The following CCNB1 variants were observed in gnomAD, a reference collection of about 807,000 sequenced individuals.
CCNB1 encodes the protein cyclin B1.
A neutral mutation model predicts 44.4 loss-of-function variants in CCNB1; 26 were observed. The ratio of observed to expected loss-of-function variants is 0.59; its 90% CI spans 0.43 to 0.81. CCNB1 has a LOEUF of 0.81. CCNB1 is among the 40% of genes least tolerant of loss of function. CCNB1 has a pLI of 0.00. For missense variants in CCNB1, 477 were observed against 520.9 expected (o/e 0.92, Z 0.82); for synonymous variants, 195 against 181.4 (o/e 1.08, Z -0.60).
At position 69,174,891 on chromosome 5, in the gene CCNB1, C is replaced by T. The variant is rs754919513; in HGVS notation, c.720C>T (p.Pro240=). The T allele has an allele frequency of 4.9e-5, 79 of 1,613,582 alleles. No homozygotes were observed. The highest frequency in any genetic ancestry group is 6.2e-5 in the Non-Finnish European group (73 of 1,179,750). The change falls in exon 6 of 9, where the codon CCC becomes CCT. Residue 240 remains proline (P), a synonymous_variant. Transcript: ENST00000256442. The part of the protein sequence containing the change: ...IDRFMQNNCV[P]KKMLQLVGVT... ...TCCCATTGCAGAATAATTGTGTGCC[C>T]AAGAAGATGCTGCAGCTGGTTGGTG...
intron 7 of CCNB1, chr5:69,176,978 A>AT: frequency 3.5e-6 from 1 of 283,286 alleles, no homozygotes; most frequent in Non-Finnish European, 6.6e-6. Context: ...TCAAAAAAAA[A>AT]AAAAATTACA....
chr5:69,176,995 G>T (rs890191921), intron 7 of CCNB1: 3 of 322,006 alleles, frequency 9.3e-6, no homozygotes, highest in Non-Finnish European at 1.7e-5. Context: ...TACAAAGTTG[G>T]CCTCAAGGAA....
rs371830251 is a variant in CCNB1 at position 69,171,415 on chromosome 5, A to T, written c.509A>T (p.Tyr170Phe). The T allele has an allele frequency of 6.2e-7, 1 of 1,610,226 alleles. No homozygotes were observed. The highest frequency in any genetic ancestry group is 1.3e-5 in the African/African-American group (1 of 74,746). ...GCTGATCCAAACCTTTGTAGTGAAT[A>T]TGTGAAAGATATTTATGCTTATCTG... The part of the protein sequence containing the change: ...DGADPNLCSE[Y>F]VKDIYAYLRQ... The change falls in exon 4 of 9, where the codon TAT (tyrosine) becomes TTT (phenylalanine). Residue 170 changes from tyrosine (Y) to phenylalanine (F), a missense_variant. Physicochemically the swap from Tyr to Phe is conservative, Grantham distance 22. Transcript: ENST00000256442.
Position 69,177,522 on chromosome 5 carries a change from A to G in CCNB1, c.1195-2A>G. On this transcript the variant is annotated splice_acceptor_variant, in intron 8 of 8. Transcript: ENST00000256442. LOFTEE classifies it high-confidence loss of function. Reference sequence around the variant, plus strand: ...TTTAATTGCTATCTTTTTGTCTTCCAGACTGTCAAGAACAAGTATGCCACA... The same window carrying G: ...TTTAATTGCTATCTTTTTGTCTTCCGGACTGTCAAGAACAAGTATGCCACA... 1 of 1,601,544 alleles carries G rather than the reference A, an allele frequency of 6.2e-7. No homozygotes were observed. The highest frequency in any genetic ancestry group is 8.5e-7 in the Non-Finnish European group (1 of 1,170,180).
Position 69,171,438 on chromosome 5 carries a change from C to A in CCNB1, c.532C>A (p.Leu178Met). The A allele has an allele frequency of 6.2e-7, 1 of 1,600,092 alleles. No individual in the cohort carries two copies. Among genetic ancestry groups the A allele is most frequent in the Non-Finnish European group, 8.5e-7 (1 of 1,175,078 alleles). ...SEYVKDIYAY[L>M]RQLEEEQAVR... The stretch of plus-strand genomic sequence containing the variant: ...ATATGTGAAAGATATTTATGCTTAT[C>A]TGAGACAACTTGAGGTAAGTATTAT... Residue 178 changes from leucine (L) to methionine (M), a missense_variant, in exon 4 of 9, where the codon CTG becomes ATG. Coordinates refer to ENST00000256442, the MANE Select transcript of CCNB1 (RefSeq NM_031966.4).
chr5:69,175,137 T>A lies in CCNB1; in HGVS notation c.942+24T>A, dbSNP rs150507468. ...AGGTACAGGTTTCTTGAGAAACCTC[T>A]CCGTATGGGTACATTAGGGGGAACA... is the stretch of plus-strand genomic sequence containing the variant. On this transcript the variant is annotated intron_variant, in intron 6 of 8. Transcript: ENST00000256442. The A allele has an allele frequency of 5.3e-6, 8 of 1,512,828 alleles. No homozygotes were observed. The Admixed American group carries it at 1.0e-4, about 19-fold the overall frequency. 93.7% of individuals were successfully genotyped at this position (1,512,828 alleles called of 1,614,324 possible). A position where few individuals can be genotyped will look rare whatever the true frequency, so the allele number is the denominator to read the frequency against.
In CCNB1 at chr5:69,167,282, G is replaced by A; in HGVS notation, c.20G>A (p.Arg7Lys). 1 of 1,589,510 alleles carries A rather than the reference G, an allele frequency of 6.3e-7. No homozygotes were observed. Among genetic ancestry groups the A allele is most frequent in the South Asian group, 1.1e-5 (1 of 88,556 alleles). Residue 7 changes from arginine (R) to lysine (K), a missense_variant and splice_region_variant, in exon 1 of 9, where the codon AGG becomes AAG. Transcript: ENST00000256442. Reference protein sequence around the residue: MALRVTRNSKINAENKA... With the variant: MALRVTKNSKINAENKA... ...GAAGCCATGGCGCTCCGAGTCACCAGGGTGAGCCGCTTCGGACTGCGAACT... is the reference window on the plus strand; with the variant it reads ...GAAGCCATGGCGCTCCGAGTCACCAAGGTGAGCCGCTTCGGACTGCGAACT...
At chr5:69,169,364 C>G (rs1747409846) in intron 3 of CCNB1, among the ~76,000 whole-genome samples, 1 of 152,056 alleles carries the variant, frequency 6.6e-6, no homozygotes, top group African/African-American at 2.4e-5. Context: ...GCCAGTTCAG[C>G]TTCTTATATC....
In CCNB1 at chr5:69,170,097, G is replaced by A. The variant is rs574021345; in HGVS notation, c.364-1173G>A. ...TCTTGCCTCAGCCTCCTGAGTAGCT[G>A]GGATTACAGGTGCCAGCCACCACAC... is the stretch of plus-strand genomic sequence containing the variant. On this transcript the variant is annotated intron_variant, in intron 3 of 8. Transcript: ENST00000256442. Among the ~76,000 whole-genome samples, 390 of 151,848 alleles carry A rather than the reference G, an allele frequency of 2.6e-3. 1 individual carries two copies. Among genetic ancestry groups the A allele is most frequent in the African/African-American group, 9.2e-3 (383 of 41,414 alleles).
intron 3 of CCNB1, among the ~76,000 whole-genome samples, 176 bp from the exon 4 acceptor site, chr5:69,171,094 A>T (rs1227680594): frequency 1.3e-5 from 2 of 152,192 alleles, no homozygotes; most frequent in African/African-American, 4.8e-5. Flanking sequence ...TTTGATGTTA[A>T]TCACTTCCTA....
Position 69,174,943 on chromosome 5 carries a change from T to A in CCNB1, c.772T>A (p.Tyr258Asn), listed in dbSNP as rs771159364. Residue 258 changes from tyrosine (Y) to asparagine (N), a missense_variant, in exon 6 of 9, where the codon TAT (tyrosine) becomes AAT (asparagine). Coordinates refer to ENST00000256442, the MANE Select transcript of CCNB1 (RefSeq NM_031966.4). ...GVTAMFIASK[Y>N]EEMYPPEIGD... is the part of the protein sequence containing the mutation. ...CACTGCCATGTTTATTGCAAGCAAA[T>A]ATGAAGAAATGTACCCTCCAGAAAT... 3 of 1,614,058 alleles carry A rather than the reference T, an allele frequency of 1.9e-6. No homozygotes were observed. The highest frequency in any genetic ancestry group is 2.5e-6 in the Non-Finnish European group (3 of 1,180,014).
Position 69,171,505 on chromosome 5 carries a change from A to G in CCNB1, c.546+53A>G, listed in dbSNP as rs1747459450. ...AAACTGCATCTAACTTTATGAAAGTATTTTCCATCAATAGTTTATAATAAT... is the reference window on the plus strand; with the variant it reads ...AAACTGCATCTAACTTTATGAAAGTGTTTTCCATCAATAGTTTATAATAAT... On this transcript the variant is annotated intron_variant, in intron 4 of 8. Coordinates refer to ENST00000256442, the MANE Select transcript of CCNB1 (RefSeq NM_031966.4). The G allele has an allele frequency of 5.4e-6, 7 of 1,291,346 alleles. No homozygotes were observed. In the South Asian group the frequency reaches 8.4e-5, roughly 15 times the overall value. 80.0% of individuals were successfully genotyped at this position (1,291,346 alleles called of 1,614,324 possible). A position where few individuals can be genotyped will look rare whatever the true frequency, so the allele number is the denominator to read the frequency against.
intron 4 of CCNB1, among the ~76,000 whole-genome samples, chr5:69,171,928 C>A (rs1424327874): frequency 6.6e-6 from 1 of 152,196 alleles, no homozygotes; most frequent in Non-Finnish European, 1.5e-5. Flanking sequence ...TCAAAAGCTA[C>A]TTTTTTGGTT....
At chr5:69,174,165 T>C in intron 4 of CCNB1, 86 bp from the exon 5 acceptor site, 3 of 1,134,224 alleles carry the variant, frequency 2.6e-6, no homozygotes, top group Non-Finnish European at 3.9e-6. Context: ...GCCCCAGTGC[T>C]ACTGTAGGAA....
intron 1 of CCNB1, among the ~76,000 whole-genome samples, 200 bp from the exon 2 acceptor site, chr5:69,167,708 C>T (rs568663072): frequency 6.6e-6 from 1 of 152,208 alleles, no homozygotes; most frequent in South Asian, 2.1e-4. Context: ...TCAGGGAATC[C>T]CTCAATTGGT....
intron 1 of CCNB1, 44 bp from the exon 2 acceptor site, chr5:69,167,864 G>T: frequency 1.3e-6 from 2 of 1,541,798 alleles, no homozygotes; most frequent in Middle Eastern, 1.8e-4. Flanking sequence ...TGACTTACTC[G>T]AGCCTTCGTG....
chr5:69,174,444 T>C, intron 5 of CCNB1, 35 bp downstream of exon 5: 1 of 1,604,756 alleles, frequency 6.2e-7, no homozygotes, highest in African/African-American at 1.3e-5. Context: ...CCTTCCAGGA[T>C]TCTAGCCGAG....
chr5:69,174,134 G>C, intron 4 of CCNB1, 117 bp from the exon 5 acceptor site: 1 of 783,206 alleles, frequency 1.3e-6, no homozygotes, highest in Admixed American at 2.7e-5. Flanking sequence ...ATTGAATTAA[G>C]AACTGATATA....
Position 69,174,563 on chromosome 5 carries a change from C to T in CCNB1, c.705+154C>T, listed in dbSNP as rs2069434. 8.9e-4 allele frequency among the ~76,000 whole-genome samples: 136 copies of T among 152,158 alleles called. 5 individuals carry two copies. The East Asian group carries it at 0.024, about 27-fold the overall frequency. On this transcript the variant is annotated intron_variant, in intron 5 of 8. Coordinates refer to ENST00000256442, the MANE Select transcript of CCNB1 (RefSeq NM_031966.4). ...AGGAGATCGAGACCATCCTGGCCAA[C>T]GCAGTAAAACCCTGTCTCTACTAAA...
Sources: allele counts gnomAD v4.1 joint callset (sites outside exome capture counted in the v4.1 genomes callset), GRCh38; gene constraint gnomAD v4.1.1; transcripts MANE v1.5; gene names NCBI Gene and HGNC (gene_info 2026-07-23, HGNC 2026-07-21).